The following AASS variants were observed in gnomAD, a reference collection of about 807,000 sequenced individuals.
AASS encodes the protein aminoadipate-semialdehyde synthase.
Under a neutral mutation model 105.4 loss-of-function variants are expected in AASS, and 86 were observed. The ratio of observed to expected loss-of-function variants is 0.82; its 90% confidence interval spans 0.69 to 0.98. AASS has a LOEUF of 0.98. Ranked by LOEUF, AASS falls within the 50% of genes least tolerant of loss-of-function variation. The pLI, the probability that AASS is intolerant of heterozygous loss-of-function variation, is 0.00. For synonymous variants in AASS, 381 were observed against 394.8 expected, an observed-to-expected ratio of 0.96 and a Z score of 0.41; for missense variants, 1,048 against 1,143.2, an observed-to-expected ratio of 0.92 and a Z score of 1.20.
At chr7:122,136,142 T>C (rs2150555834) in intron 1 of AASS, among the ~76,000 whole-genome samples, 1 of 152,326 alleles carries the variant, frequency 6.6e-6, no homozygotes, top group Middle Eastern at 3.4e-3. Flanking sequence ...TAGAAAAGCT[T>C]GCATGAAACA....
intron 19 of AASS, among the ~76,000 whole-genome samples, chr7:122,085,202 A>G (rs1443153595): frequency 6.6e-6 from 1 of 152,136 alleles, no homozygotes; most frequent in African/African-American, 2.4e-5. Context: ...AAAGGCACCA[A>G]CCCTACTCAC....
At chr7:122,080,871 C>A (rs902594328) in intron 20 of AASS, among the ~76,000 whole-genome samples, 1 of 152,160 alleles carries the variant, frequency 6.6e-6, no homozygotes, top group African/African-American at 2.4e-5. Flanking sequence ...ACATTTCTGG[C>A]ATTTCTACTG....
chr7:122,078,096 T>A, intron 22 of AASS, 82 bp from the exon 23 acceptor site: 2 of 1,375,704 alleles, frequency 1.5e-6, no homozygotes, highest in Non-Finnish European at 2.1e-6. Flanking sequence ...GCCCTTCTGG[T>A]CTTAAAAGTT....
At chr7:122,108,063 A>C (rs908226680) in intron 11 of AASS, among the ~76,000 whole-genome samples, 1 of 152,002 alleles carries the variant, frequency 6.6e-6, no homozygotes, top group Non-Finnish European at 1.5e-5. Flanking sequence ...AACTTGGAAA[A>C]CCTAGAAGAA....
chr7:122,078,831 A>G, intron 22 of AASS, 31 bp downstream of exon 22: 3 of 1,572,668 alleles, frequency 1.9e-6, no homozygotes, highest in Non-Finnish European at 2.6e-6. Flanking sequence ...ATTCTTCTTT[A>G]GGTATATTTA....
intron 19 of AASS, among the ~76,000 whole-genome samples, chr7:122,085,322 G>C (rs116836197): frequency 4.3e-4 from 65 of 152,286 alleles, no homozygotes; most frequent in Non-Finnish European, 8.2e-4. Context: ...TACACCAGTT[G>C]TCTTGATTAG....
intron 14 of AASS, 51 bp from the exon 15 acceptor site, chr7:122,098,627 AT>A: frequency 2.5e-6 from 4 of 1,586,818 alleles, no homozygotes; most frequent in South Asian, 1.1e-5. Context: ...AGTAAAATAT[AT>A]TTTAACATCT....
At chr7:122,127,025 C>A (rs532767069) in intron 3 of AASS, among the ~76,000 whole-genome samples, 1 of 152,132 alleles carries the variant, frequency 6.6e-6, no homozygotes, top group African/African-American at 2.4e-5. Context: ...TCTCTCAAGT[C>A]CAAGCACAGA....
intron 11 of AASS, among the ~76,000 whole-genome samples, chr7:122,108,761 C>A (rs905900521): frequency 4.6e-5 from 7 of 151,556 alleles, no homozygotes; most frequent in Non-Finnish European, 8.8e-5. Flanking sequence ...AGATATGGAA[C>A]AAGAAAAGGA....
chr7:122,136,822 A>G (rs1796160813), intron 1 of AASS, among the ~76,000 whole-genome samples: 1 of 152,182 alleles, frequency 6.6e-6, no homozygotes, highest in African/African-American at 2.4e-5. Flanking sequence ...CCAAGCTTGA[A>G]TGTTAACCTC....
At chr7:122,141,472 T>C (rs1796394212) in intron 1 of AASS, among the ~76,000 whole-genome samples, 1 of 152,136 alleles carries the variant, frequency 6.6e-6, no homozygotes, top group African/African-American at 2.4e-5. Context: ...ATGAGTTGTG[T>C]TTTACTCATC....
intron 1 of AASS, among the ~76,000 whole-genome samples, chr7:122,142,499 C>T (rs1369133165): frequency 1.3e-5 from 2 of 152,104 alleles, no homozygotes; most frequent in East Asian, 3.9e-4. Flanking sequence ...TTCAGGCATG[C>T]ATGTTCAAGA....
At chr7:122,113,548 A>G in intron 10 of AASS, 50 bp downstream of exon 10, 1 of 1,603,168 alleles carries the variant, frequency 6.2e-7, no homozygotes, top group South Asian at 1.1e-5. Context: ...AGAGTAGTAT[A>G]TCAATGTAAC....
Position 122,133,702 on chromosome 7 carries a change from G to A in AASS, c.25C>T (p.Leu9=). Residue 9 remains leucine (L), a synonymous_variant, in exon 2 of 24, where the codon CTG becomes TTG. Coordinates refer to ENST00000417368, the MANE Select transcript of AASS (RefSeq NM_005763.4). The part of the protein sequence containing the change: MLQVHRTG[L]GRLGVSLSKG... The stretch of plus-strand genomic sequence containing the variant: ...GAGAGGCTGACCCCCAGCCTGCCCA[G>A]TCCAGTCCTATGTACTTGCAGCATC... 2 of 1,614,138 alleles carry A rather than the reference G, an allele frequency of 1.2e-6. No homozygotes were observed. The highest frequency in any genetic ancestry group is 1.3e-5 in the African/African-American group (1 of 75,014).
chr7:122,129,534 A>G lies in AASS; in HGVS notation c.214T>C (p.Tyr72His). The change falls in exon 3 of 24, where the codon TAT (tyrosine) becomes CAT (histidine). Residue 72 changes from tyrosine to histidine, a missense_variant. Coordinates refer to ENST00000417368, the MANE Select transcript of AASS (RefSeq NM_005763.4). Reference sequence around the variant, plus strand: ...TGAAGAATGCCACCAGCTTTGACATAGTCCTGAAATTGTAATTATGATTAA... The same window carrying G: ...TGAAGAATGCCACCAGCTTTGACATGGTCCTGAAATTGTAATTATGATTAA... ...SNRRAIHDKD[Y>H]VKAGGILQED... is the part of the protein sequence containing the mutation. 1 of 1,612,932 alleles carries G rather than the reference A, an allele frequency of 6.2e-7. No homozygotes were observed. The highest frequency in any genetic ancestry group is 1.1e-5 in the South Asian group (1 of 91,024).
chr7:122,125,772 T>G (rs1292496810), intron 4 of AASS, among the ~76,000 whole-genome samples: 1 of 124,460 alleles, frequency 8.0e-6, no homozygotes, highest in East Asian at 2.3e-4. Context: ...TCTGAATAAA[T>G]TTTGCTCCTA....
rs1007295804 is a variant in AASS at position 122,082,802 on chromosome 7, G to A, written c.2185-1207C>T. 101 of 1,288,446 alleles carry A rather than the reference G, an allele frequency of 7.8e-5. 1 individual carries two copies. The highest frequency in any genetic ancestry group is 9.4e-5 in the Non-Finnish European group (93 of 987,824). 79.8% of individuals were successfully genotyped at this position (1,288,446 alleles called of 1,614,324 possible). A position where few individuals can be genotyped will look rare whatever the true frequency, so the allele number is the denominator to read the frequency against. ...GGGGAACTCACATAGATGGGGCTGG[G>A]TGGTTCAAGGGGAAGGAGTTAGGGA... On this transcript the variant is annotated intron_variant, in intron 19 of 23. Transcript: ENST00000417368.
In AASS at chr7:122,126,414, C is replaced by A. The variant is rs756320153; in HGVS notation, c.433G>T (p.Val145Leu). The A allele has an allele frequency of 5.0e-6, 8 of 1,613,904 alleles. No homozygotes were observed. Among genetic ancestry groups the A allele is most frequent in the Non-Finnish European group, 6.8e-6 (8 of 1,179,948 alleles). Residue 145 changes from valine (V) to leucine (L), a missense_variant, in exon 4 of 24, where the codon GTA becomes TTA. By Grantham distance (32) the Val-to-Leu change is conservative. Coordinates refer to ENST00000417368, the MANE Select transcript of AASS (RefSeq NM_005763.4). ...CACTGTCCAAATGCCACTACCCGTA[C>A]TCCTCTATGATCCACCATTTTCTCA... is the stretch of plus-strand genomic sequence containing the variant. ...DYEKMVDHRG[V>L]RVVAFGQWAG...
intron 4 of AASS, among the ~76,000 whole-genome samples, chr7:122,123,837 G>C (rs1795538786): frequency 6.6e-6 from 1 of 152,104 alleles, no homozygotes; most frequent in Admixed American, 6.5e-5. Context: ...TAGCAACTTA[G>C]TATGTAATCT....
Sources: gnomAD v4.1 joint callset for allele counts (sites outside exome capture counted in the v4.1 genomes callset) on GRCh38, gnomAD v4.1.1 for gene constraint, MANE v1.5 for transcripts, NCBI Gene and HGNC (gene_info 2026-07-23, HGNC 2026-07-21) for gene names.